Variants in DENND1A observed in about 807,000 individuals in gnomAD.
DENND1A encodes the protein DENN domain containing 1A.
A neutral mutation model predicts 113.7 loss-of-function variants in DENND1A; 51 were observed. That is an observed-to-expected ratio of 0.45 (90% CI 0.36 to 0.57). The LOEUF is 0.57. DENND1A is among the 20% of genes least tolerant of loss of function. The pLI, the probability that DENND1A is intolerant of heterozygous loss-of-function variation, is 0.00. For missense variants in DENND1A, 1,258 were observed against 1,395.9 expected, an observed-to-expected ratio of 0.90 and a Z score of 1.57; for synonymous variants, 565 against 570.8, an observed-to-expected ratio of 0.99 and a Z score of 0.14.
intron 2 of DENND1A, among the ~76,000 whole-genome samples, chr9:123,875,769 A>C (rs1000878178): frequency 6.6e-6 from 1 of 152,184 alleles, no homozygotes; most frequent in African/African-American, 2.4e-5. Context: ...CTGGGTGCTC[A>C]AAGCATGGTC....
intron 5 of DENND1A, among the ~76,000 whole-genome samples, chr9:123,699,904 G>A (rs553882199): frequency 6.6e-6 from 1 of 152,050 alleles, no homozygotes; most frequent in Non-Finnish European, 1.5e-5. Context: ...CGCCATGTTG[G>A]CCAGGCTGGT....
intron 19 of DENND1A, among the ~76,000 whole-genome samples, chr9:123,425,369 C>G (rs185082614): frequency 6.6e-6 from 1 of 152,290 alleles, no homozygotes; most frequent in Non-Finnish European, 1.5e-5. Flanking sequence ...CAGAGAAGCC[C>G]CGCTGTCACA....
chr9:123,823,996 C>T (rs893601923), intron 2 of DENND1A, among the ~76,000 whole-genome samples: 4 of 152,142 alleles, frequency 2.6e-5, no homozygotes, highest in East Asian at 1.9e-4. Context: ...ACTGTGGTAT[C>T]GCACACCTAA....
At chr9:123,516,884 CAAAAAA>C (rs546001517) in intron 13 of DENND1A, among the ~76,000 whole-genome samples, 287 of 92,888 alleles carry the variant, frequency 3.1e-3, no homozygotes, top group Non-Finnish European at 3.8e-3. Context: ...GACTCTGTCT[CAAAAAA>C]AAAAAAAAAA....
At chr9:123,547,727 C>A (rs926900541) in intron 13 of DENND1A, among the ~76,000 whole-genome samples, 2 of 152,164 alleles carry the variant, frequency 1.3e-5, no homozygotes, top group African/African-American at 4.8e-5. Flanking sequence ...GCCATACTTT[C>A]ACAATTAGTT....
intron 2 of DENND1A, among the ~76,000 whole-genome samples, chr9:123,809,744 C>A (rs1215094429): frequency 6.6e-6 from 1 of 152,172 alleles, no homozygotes; most frequent in Non-Finnish European, 1.5e-5. Flanking sequence ...GATCTCGGAT[C>A]ACTGCAACCT....
intron 13 of DENND1A, among the ~76,000 whole-genome samples, chr9:123,528,058 A>C (rs1419542866): frequency 6.6e-6 from 1 of 152,208 alleles, no homozygotes; most frequent in Non-Finnish European, 1.5e-5. Context: ...AAAAAGTCTA[A>C]TTATTCAAAG....
At chr9:123,530,198 T>C (rs1217420790) in intron 13 of DENND1A, among the ~76,000 whole-genome samples, 1 of 152,124 alleles carries the variant, frequency 6.6e-6, no homozygotes, top group East Asian at 1.9e-4. Flanking sequence ...TATTCTAGAA[T>C]TGAAGAAAGA....
At position 123,422,815 on chromosome 9, in the gene DENND1A, T is replaced by C. The variant is rs1359550213; in HGVS notation, c.1489-10986A>G. 6.6e-6 allele frequency among the ~76,000 whole-genome samples: 1 copy of C among 152,214 alleles called. No individual in the cohort carries two copies. The highest frequency in any genetic ancestry group is 1.9e-4 in the East Asian group (1 of 5,200). ...GGAAAACGTGTGACATTTTTATTCA[T>C]GGTGGCGTACGCCCTTGTAATGATC... On this transcript the variant is annotated intron_variant, in intron 19 of 23. Coordinates refer to ENST00000394215, the MANE Select transcript of DENND1A (RefSeq NM_001352964.2). The surrounding 1 kb of genome is among the most constrained non-coding windows in gnomAD (Gnocchi z 4.8).
chr9:123,810,965 G>C (rs1415475356), intron 2 of DENND1A, among the ~76,000 whole-genome samples: 1 of 151,572 alleles, frequency 6.6e-6, no homozygotes, highest in Non-Finnish European at 1.5e-5. Context: ...CACCATGTTG[G>C]CCAGGCTGGT....
chr9:123,639,039 TAAAAA>T (rs750972974), intron 9 of DENND1A, among the ~76,000 whole-genome samples: 2 of 32,104 alleles, frequency 6.2e-5, no homozygotes, highest in Admixed American at 4.9e-4. Context: ...GCATGAGTAG[TAAAAA>T]AAAAAAAAAA....
Position 123,703,661 on chromosome 9 carries a change from G to A in DENND1A, c.303-26872C>T, listed in dbSNP as rs74909824. ...CAAGCTACTCATATATAAATAACTT[G>A]AATGAATCTCAAAAATGCTACGCTG... On this transcript the variant is annotated intron_variant, in intron 5 of 23. Transcript: ENST00000394215. Among the ~76,000 whole-genome samples the A allele has an allele frequency of 4.0e-3, 616 of 152,178 alleles. 18 individuals carry two copies. The East Asian group carries it at 0.1, about 26-fold the overall frequency.
intron 5 of DENND1A, among the ~76,000 whole-genome samples, chr9:123,715,916 T>TCC (rs1189840831): frequency 6.6e-6 from 1 of 151,776 alleles, no homozygotes; most frequent in East Asian, 1.9e-4. Context: ...CCTCAAGCGA[T>TCC]CCCCCCACCT....
chr9:123,520,002 A>G (rs2054255736), intron 13 of DENND1A, among the ~76,000 whole-genome samples: 1 of 151,996 alleles, frequency 6.6e-6, no homozygotes, highest in Non-Finnish European at 1.5e-5. Flanking sequence ...TCTACAAAAA[A>G]TTAAAAAATT....
intron 13 of DENND1A, among the ~76,000 whole-genome samples, chr9:123,543,467 G>T (rs947437804): frequency 6.6e-6 from 1 of 152,156 alleles, no homozygotes; most frequent in African/African-American, 2.4e-5. Context: ...AATAGTTCAA[G>T]GAACAGGGTT....
At chr9:123,429,842 C>T (rs2046004949) in intron 19 of DENND1A, among the ~76,000 whole-genome samples, 1 of 152,070 alleles carries the variant, frequency 6.6e-6, no homozygotes, top group Non-Finnish European at 1.5e-5. Context: ...CAAAAATTGA[C>T]AAATGGGATC....
chr9:123,772,830 C>A (rs755527357), intron 3 of DENND1A, among the ~76,000 whole-genome samples: 9 of 152,158 alleles, frequency 5.9e-5, no homozygotes, highest in Non-Finnish European at 8.8e-5. Flanking sequence ...ACATTCGCCA[C>A]CTGGTTCCAT....
At position 123,671,391 on chromosome 9, in the gene DENND1A, TA is replaced by T. The variant is rs768528168; in HGVS notation, c.373-21del. The T allele has an allele frequency of 4.3e-6, 7 of 1,613,028 alleles. No homozygotes were observed. In the South Asian group the frequency reaches 7.7e-5, roughly 18 times the overall value. On this transcript the variant is annotated intron_variant, in intron 6 of 23. Coordinates refer to ENST00000394215, the MANE Select transcript of DENND1A (RefSeq NM_001352964.2). Reference sequence around the variant, plus strand: ...ATTTTCCTGAAAGAAATAAAAGGCCTAAGTAACAAAAGCAAGGCTGAGCCCT... The same window carrying T: ...ATTTTCCTGAAAGAAATAAAAGGCCTAGTAACAAAAGCAAGGCTGAGCCCT...
At chr9:123,566,631 G>C (rs924131914) in intron 12 of DENND1A, among the ~76,000 whole-genome samples, 4 of 152,004 alleles carry the variant, frequency 2.6e-5, no homozygotes, top group African/African-American at 9.7e-5. Flanking sequence ...TGACATCCTT[G>C]GAGTAAAAAA....
Sources: allele counts gnomAD v4.1 joint callset (sites outside exome capture counted in the v4.1 genomes callset), GRCh38; gene constraint gnomAD v4.1.1; non-coding constraint Gnocchi (gnomAD v3.1); transcripts MANE v1.5; gene names NCBI Gene and HGNC (gene_info 2026-07-23, HGNC 2026-07-21).